Variants in SGK1 observed in about 807,000 individuals in gnomAD.
SGK1 encodes serum/glucocorticoid regulated kinase 1.
In SGK1, 26 loss-of-function variants were observed where a neutral mutation model predicts 64.2. The observed-to-expected ratio is 0.40, with a 90% CI of 0.30 to 0.56. SGK1 has a LOEUF of 0.56. Ranked by LOEUF, SGK1 falls within the 20% of genes least tolerant of loss-of-function variation. The probability of loss-of-function intolerance (pLI) is 0.38; values close to 1 mark genes in which losing one functional copy is unlikely to be tolerated. For synonymous variants in SGK1, 265 were observed against 239.7 expected, an observed-to-expected ratio of 1.11 and a Z score of -0.98; for missense variants, 519 against 645.6, an observed-to-expected ratio of 0.80 and a Z score of 2.12.
chr6:134,258,395 G>A (rs1030530691), intron 2 of SGK1, among the ~76,000 whole-genome samples: 2 of 151,994 alleles, frequency 1.3e-5, no homozygotes, highest in Non-Finnish European at 2.9e-5. Context: ...ATATTTTAAC[G>A]ATTAAAATAA....
chr6:134,200,129 T>A (rs905838943), intron 3 of SGK1, among the ~76,000 whole-genome samples: 5 of 152,048 alleles, frequency 3.3e-5, no homozygotes, highest in Non-Finnish European at 5.9e-5. Flanking sequence ...AACAAACAAC[T>A]CAGGTTTCAA....
At chr6:134,264,878 C>T (rs759425481) in intron 1 of SGK1, among the ~76,000 whole-genome samples, 6 of 152,116 alleles carry the variant, frequency 3.9e-5, no homozygotes, top group Non-Finnish European at 8.8e-5. Flanking sequence ...AAACTCCTGG[C>T]CTTAGGCGAT....
At chr6:134,315,386 A>G (rs1777666949) in intron 1 of SGK1, among the ~76,000 whole-genome samples, 1 of 152,196 alleles carries the variant, frequency 6.6e-6, no homozygotes, top group Non-Finnish European at 1.5e-5. Flanking sequence ...CCTGCCAGTT[A>G]TCTTGGTAGA....
At chr6:134,171,475 G>T (rs1233079927) in intron 11 of SGK1, 162 bp downstream of exon 11, 1 of 622,086 alleles carries the variant, frequency 1.6e-6, no homozygotes. Flanking sequence ...AAAGAACCAG[G>T]TAAGTGATTA....
At position 134,317,397 on chromosome 6, in the gene SGK1, T is replaced by G; in HGVS notation, c.64A>C (p.Lys22Gln). The G allele has an allele frequency of 6.3e-7, 1 of 1,594,512 alleles. No individual in the cohort carries two copies. Among genetic ancestry groups the G allele is most frequent in the Non-Finnish European group, 8.6e-7 (1 of 1,161,972 alleles). Residue 22 changes from lysine to glutamine, a missense_variant, in exon 1 of 14, where the codon AAG becomes CAG. Lys to Gln is a moderately conservative substitution (Grantham distance 53, BLOSUM62 1). Coordinates refer to ENST00000367858, the MANE Select transcript of SGK1 (RefSeq NM_001143676.3). ...KKCSAFQFFK[K>Q]RVRRWIKSPM... Reference sequence around the variant, plus strand: ...TAAGCAAAACCTGTCCTTACCCGCTTCTTAAAAAATTGGAAGGCTGAGCAT... The same window carrying G: ...TAAGCAAAACCTGTCCTTACCCGCTGCTTAAAAAATTGGAAGGCTGAGCAT...
chr6:134,182,806 C>T (rs1295641825), intron 3 of SGK1, among the ~76,000 whole-genome samples: 1 of 152,210 alleles, frequency 6.6e-6, no homozygotes, highest in Admixed American at 6.5e-5. Context: ...CAGTCTCCCT[C>T]ACAGACAGTG....
intron 1 of SGK1, among the ~76,000 whole-genome samples, chr6:134,315,560 C>G (rs1334704161): frequency 6.6e-6 from 1 of 152,072 alleles, no homozygotes; most frequent in Non-Finnish European, 1.5e-5. Flanking sequence ...ATTTTGATAA[C>G]AAAGAAAATA....
chr6:134,312,726 G>A (rs1362614589), intron 1 of SGK1, among the ~76,000 whole-genome samples: 1 of 152,036 alleles, frequency 6.6e-6, no homozygotes, highest in Non-Finnish European at 1.5e-5. Context: ...CTTCATCTAT[G>A]AAATCACAAT....
At chr6:134,303,463 C>G (rs555894680) in intron 1 of SGK1, among the ~76,000 whole-genome samples, 1 of 150,678 alleles carries the variant, frequency 6.6e-6, no homozygotes, top group Admixed American at 6.7e-5. Flanking sequence ...TTACCATGCT[C>G]GGAAACAATT....
chr6:134,170,372 T>C lies in SGK1; in HGVS notation c.1477A>G (p.Ile493Val), dbSNP rs377098755. The C allele has an allele frequency of 1.3e-5, 21 of 1,614,104 alleles. No individual in the cohort carries two copies. In the East Asian group the frequency reaches 4.5e-4, roughly 34 times the overall value. Residue 493 changes from isoleucine to valine, a missense_variant, in exon 14 of 14, where the codon ATT (isoleucine) becomes GTT (valine). Coordinates refer to ENST00000367858, the MANE Select transcript of SGK1 (RefSeq NM_001143676.3). ...AGGACGCTGTCAGGGGACTTGCCAA[T>C]GGAGTTGGGGACAGGCTCTTCGGTA... is the stretch of plus-strand genomic sequence containing the variant. ...EFTEEPVPNS[I>V]GKSPDSVLVT... is the part of the protein sequence containing the mutation.
In SGK1 at chr6:134,170,266, G is replaced by C. The variant is rs1562235021; in HGVS notation, c.*2C>G. The C allele has an allele frequency of 1.9e-6, 3 of 1,609,520 alleles. No homozygotes were observed. Among genetic ancestry groups the C allele is most frequent in the Non-Finnish European group, 2.5e-6 (3 of 1,176,632 alleles). On this transcript the variant is annotated 3_prime_UTR_variant, in exon 14 of 14. Transcript: ENST00000367858. ...TCCTTTAAAACCAAGCCCTAACAGG[G>C]TTCAGAGGAAAGAGTCCGTGGGAGG... is the stretch of plus-strand genomic sequence containing the variant.
At chr6:134,193,849 G>A (rs1289399097) in intron 3 of SGK1, among the ~76,000 whole-genome samples, 2 of 110,486 alleles carry the variant, frequency 1.8e-5, no homozygotes, top group African/African-American at 4.0e-5. Flanking sequence ...GGAGGGGAGG[G>A]GAGGGGAAAA....
chr6:134,242,193 A>G lies in SGK1; in HGVS notation c.285+19740T>C, dbSNP rs544736644. 2.3e-4 allele frequency among the ~76,000 whole-genome samples: 35 copies of G among 152,024 alleles called. No homozygotes were observed. The South Asian group carries it at 5.8e-3, about 25-fold the overall frequency. ...AAAGGGAGCAACTAGGAATTTTGAA[A>G]TTAGGAATAAGGCTGGGCGCGGTGG... On this transcript the variant is annotated intron_variant, in intron 2 of 13. Transcript: ENST00000367858.
chr6:134,259,175 CT>C (rs1467594501), intron 2 of SGK1, among the ~76,000 whole-genome samples: 24 of 152,062 alleles, frequency 1.6e-4, no homozygotes, highest in Non-Finnish European at 2.2e-4. Context: ...TTATTGTTTC[CT>C]TTTGTGTGGA....
At chr6:134,170,473 CACACTAG>C (rs1466437313) in intron 13 of SGK1, 38 bp from the exon 14 acceptor site, 5 of 1,572,766 alleles carry the variant, frequency 3.2e-6, no homozygotes, top group Non-Finnish European at 4.4e-6. Flanking sequence ...GTCAAGAACT[CACACTAG>C]ACACAGGACA....
chr6:134,191,784 TCAG>T (rs928100591), intron 3 of SGK1, among the ~76,000 whole-genome samples: 13 of 149,754 alleles, frequency 8.7e-5, no homozygotes, highest in African/African-American at 3.2e-4. Context: ...TTCTCCTGCC[TCAG>T]CCTCCTGAGT....
intron 9 of SGK1, 162 bp downstream of exon 9, chr6:134,172,500 T>A: frequency 1.3e-6 from 1 of 792,422 alleles, no homozygotes; most frequent in Non-Finnish European, 2.0e-6. Flanking sequence ...ACTTGGCTGG[T>A]TCCCCCTTGG....
At position 134,227,755 on chromosome 6, in the gene SGK1, CT is replaced by C. The variant is rs1431263290; in HGVS notation, c.286-20325del. 2.6e-5 allele frequency among the ~76,000 whole-genome samples: 4 copies of C among 152,292 alleles called. No homozygotes were observed. The East Asian group carries it at 7.7e-4, about 29-fold the overall frequency. ...AGTAAATGCAGTTAGCTTTTAATCA[CT>C]TCATCACATTGACTCCAAATACGCA... On this transcript the variant is annotated intron_variant, in intron 2 of 13. Coordinates refer to ENST00000367858, the MANE Select transcript of SGK1 (RefSeq NM_001143676.3).
chr6:134,210,834 A>AT lies in SGK1; in HGVS notation c.286-3404dup, dbSNP rs1554221087. ...CTCAAAAAAAAAAAAAAAAAAAAAA[A>AT]TTTTAAAAGGGCCAGGCATGGTGGC... On this transcript the variant is annotated intron_variant, in intron 2 of 13. Transcript: ENST00000367858. 2.2e-3 allele frequency among the ~76,000 whole-genome samples: 319 copies of AT among 143,696 alleles called. 2 individuals carry two copies. The highest frequency in any genetic ancestry group is 8.1e-3 in the African/African-American group (297 of 36,570). 94.3% of individuals were successfully genotyped at this position (143,696 alleles called of 152,430 possible). A position where few individuals can be genotyped will look rare whatever the true frequency, so the allele number is the denominator to read the frequency against.
Sources: allele counts gnomAD v4.1 joint callset (sites outside exome capture counted in the v4.1 genomes callset), GRCh38; gene constraint gnomAD v4.1.1; transcripts MANE v1.5; gene names NCBI Gene and HGNC (gene_info 2026-07-23, HGNC 2026-07-21).